Variants in TLE1 observed in about 807,000 individuals in gnomAD.
TLE1 encodes TLE family member 1, transcriptional corepressor.
TLE1 carries 21 observed loss-of-function variants against 89.8 expected under a neutral mutation model. The ratio of observed to expected loss-of-function variants is 0.23; its 90% CI spans 0.17 to 0.34. The LOEUF is 0.34. TLE1 is among the 10% of genes least tolerant of loss of function. The probability of loss-of-function intolerance (pLI) is 1.00; values close to 1 mark genes in which losing one functional copy is unlikely to be tolerated. For missense variants in TLE1, 795 were observed against 1,031.2 expected, an observed-to-expected ratio of 0.77 and a Z score of 3.14; for synonymous variants, 447 against 407.6, an observed-to-expected ratio of 1.10 and a Z score of -1.16.
chr9:81,638,924 G>T (rs974397028), intron 6 of TLE1, among the ~76,000 whole-genome samples: 3 of 150,794 alleles, frequency 2.0e-5, no homozygotes, highest in Non-Finnish European at 4.4e-5. Flanking sequence ...CACACCAGCC[G>T]ATACATGCAT....
intron 6 of TLE1, among the ~76,000 whole-genome samples, chr9:81,635,527 T>C (rs1190435423): frequency 1.3e-5 from 2 of 152,184 alleles, no homozygotes; most frequent in African/African-American, 4.8e-5. Flanking sequence ...TCTGGCCACA[T>C]TTCAGCTGTC....
intron 17 of TLE1, 53 bp from the exon 18 acceptor site, chr9:81,585,708 G>T: frequency 1.3e-6 from 2 of 1,591,578 alleles, no homozygotes; most frequent in Non-Finnish European, 1.7e-6. Flanking sequence ...CACTTAGGAA[G>T]GGAAGACGCA....
In TLE1 at chr9:81,674,558, T is replaced by C. The variant is rs561803739; in HGVS notation, c.234+11118A>G. On this transcript the variant is annotated intron_variant, in intron 4 of 19. Coordinates refer to ENST00000376499, the MANE Select transcript of TLE1 (RefSeq NM_005077.5). Reference sequence around the variant, plus strand: ...CACAAAGTTCAAAATCAGAGTCCTTTTGCAAAATTATTTCTATTTTCTTAC... The same window carrying C: ...CACAAAGTTCAAAATCAGAGTCCTTCTGCAAAATTATTTCTATTTTCTTAC... 1.2e-4 allele frequency among the ~76,000 whole-genome samples: 19 copies of C among 152,300 alleles called. No homozygotes were observed. The South Asian group carries it at 2.7e-3, about 22-fold the overall frequency.
chr9:81,686,808 G>C (rs1420155495), intron 2 of TLE1, among the ~76,000 whole-genome samples: 1 of 152,064 alleles, frequency 6.6e-6, no homozygotes, highest in East Asian at 1.9e-4. Flanking sequence ...CCGAAATGAC[G>C]CCAAAGCAGG....
At chr9:81,650,434 T>A (rs1251197688) in intron 6 of TLE1, among the ~76,000 whole-genome samples, 3 of 152,228 alleles carry the variant, frequency 2.0e-5, no homozygotes, top group Non-Finnish European at 2.9e-5. Flanking sequence ...GCTTTGCATA[T>A]GTTTTCTTTT....
chr9:81,625,990 T>A (rs1275241836), intron 8 of TLE1, among the ~76,000 whole-genome samples: 2 of 148,510 alleles, frequency 1.3e-5, no homozygotes, highest in Admixed American at 1.3e-4. Context: ...TACAGAGGCC[T>A]TCATGAATCC....
chr9:81,594,108 TAACTGCTCTA>T (rs1299336588), intron 14 of TLE1, among the ~76,000 whole-genome samples: 1 of 152,064 alleles, frequency 6.6e-6, no homozygotes, highest in Non-Finnish European at 1.5e-5. Flanking sequence ...CAAGAACCTA[TAACTGCTCTA>T]AAAAAATAAA....
chr9:81,665,380 T>C lies in TLE1; in HGVS notation c.235-11344A>G, dbSNP rs115397116. ...AATTACTGGCAGATAATAACTTTTA[T>C]GTTCCATCTCCTCACTTGGCAGCTC... On this transcript the variant is annotated intron_variant, in intron 4 of 19. Transcript: ENST00000376499. 2.1e-3 allele frequency among the ~76,000 whole-genome samples: 318 copies of C among 152,330 alleles called. 2 individuals carry two copies. Among genetic ancestry groups the C allele is most frequent in the African/African-American group, 7.4e-3 (306 of 41,580 alleles).
At chr9:81,600,808 C>A (rs182043466) in intron 14 of TLE1, among the ~76,000 whole-genome samples, 6 of 152,242 alleles carry the variant, frequency 3.9e-5, no homozygotes, top group East Asian at 1.9e-4. Context: ...GAAGGTCCCC[C>A]ACCAGTGCAG....
intron 8 of TLE1, among the ~76,000 whole-genome samples, chr9:81,621,680 C>T (rs1825275282): frequency 6.6e-6 from 1 of 152,174 alleles, no homozygotes. Context: ...TTTTTAAAAG[C>T]CCTGAGTTTC....
chr9:81,686,341 G>C (rs924932410), intron 2 of TLE1, among the ~76,000 whole-genome samples: 2 of 152,140 alleles, frequency 1.3e-5, no homozygotes, highest in African/African-American at 4.8e-5. Context: ...TACAATTGCT[G>C]GTCCCTTTCA....
At chr9:81,640,066 G>A (rs550886501) in intron 6 of TLE1, among the ~76,000 whole-genome samples, 1 of 151,938 alleles carries the variant, frequency 6.6e-6, no homozygotes, top group Non-Finnish European at 1.5e-5. Context: ...AATGCTACTG[G>A]TGCATCTAAT....
chr9:81,631,297 C>T lies in TLE1; in HGVS notation c.594+2051G>A, dbSNP rs543583865. Among the ~76,000 whole-genome samples, 7 of 152,310 alleles carry T rather than the reference C, an allele frequency of 4.6e-5. No individual in the cohort carries two copies. The South Asian group carries it at 6.2e-4, about 14-fold the overall frequency. ...TATATTTTTCTGTCAAAAATACCAA[C>T]AGGAGGTTATCCGACACATTCGGAA... On this transcript the variant is annotated intron_variant, in intron 8 of 19. Coordinates refer to ENST00000376499, the MANE Select transcript of TLE1 (RefSeq NM_005077.5).
intron 11 of TLE1, among the ~76,000 whole-genome samples, chr9:81,613,906 C>CT (rs761514885): frequency 0.16 from 14,146 of 89,570 alleles, 1,139 homozygotes; most frequent in East Asian, 0.28. Flanking sequence ...CTTTTCTTTT[C>CT]TTTTTTTTTT....
At chr9:81,649,187 C>T (rs1238309824) in intron 6 of TLE1, among the ~76,000 whole-genome samples, 1 of 152,050 alleles carries the variant, frequency 6.6e-6, no homozygotes, top group African/African-American at 2.4e-5. Context: ...TCTTAAATAC[C>T]GGTACTCTAT....
chr9:81,614,022 C>T (rs1456248717), intron 11 of TLE1, among the ~76,000 whole-genome samples: 1 of 151,494 alleles, frequency 6.6e-6, no homozygotes, highest in African/African-American at 2.4e-5. Context: ...ATTCTCCTGC[C>T]TCTGCCTCCT....
chr9:81,602,120 G>A (rs1831008062), intron 14 of TLE1, among the ~76,000 whole-genome samples: 1 of 152,158 alleles, frequency 6.6e-6, no homozygotes, highest in African/African-American at 2.4e-5. Context: ...GGCTTTGAAG[G>A]ACAGAAAATA....
intron 2 of TLE1, among the ~76,000 whole-genome samples, chr9:81,686,723 G>A (rs1834333668): frequency 6.6e-6 from 1 of 152,200 alleles, no homozygotes; most frequent in South Asian, 2.1e-4. Flanking sequence ...TTGAAGGTAA[G>A]TCTCATTACT....
chr9:81,633,221 T>C, intron 8 of TLE1, 127 bp downstream of exon 8: 2 of 1,459,800 alleles, frequency 1.4e-6, no homozygotes, highest in Non-Finnish European at 1.8e-6. Flanking sequence ...GCCAGGTCAC[T>C]GAGAGAGACA....
Sources: allele counts gnomAD v4.1 joint callset (sites outside exome capture counted in the v4.1 genomes callset), GRCh38; gene constraint gnomAD v4.1.1; transcripts MANE v1.5; gene names NCBI Gene and HGNC (gene_info 2026-07-23, HGNC 2026-07-21).